The following ZRANB3 variants were observed in gnomAD, a reference collection of about 807,000 sequenced individuals.
ZRANB3 encodes DNA annealing helicase and endonuclease ZRANB3.
Under a neutral mutation model 133.8 loss-of-function variants are expected in ZRANB3, and 125 were observed. The observed-to-expected ratio is 0.93, with a 90% confidence interval of 0.81 to 1.08. The LOEUF (loss-of-function observed/expected upper bound fraction) is 1.08. Among genes scored for constraint, ZRANB3 ranks in the 50% least tolerant of loss-of-function variants. The probability of loss-of-function intolerance (pLI) is 0.00; values close to 1 mark genes in which losing one functional copy is unlikely to be tolerated. For synonymous variants in ZRANB3, 387 were observed against 432.7 expected, an observed-to-expected ratio of 0.89 and a Z score of 1.31; for missense variants, 1,229 against 1,275.5, an observed-to-expected ratio of 0.96 and a Z score of 0.56.
intron 2 of ZRANB3, among the ~76,000 whole-genome samples, chr2:135,436,839 G>A (rs191513201): frequency 5.3e-5 from 8 of 152,208 alleles, no homozygotes; most frequent in South Asian, 2.1e-4. Flanking sequence ...AAGGCTGGAG[G>A]TATCACATTA....
intron 17 of ZRANB3, among the ~76,000 whole-genome samples, chr2:135,211,290 C>T (rs1390566509): frequency 6.6e-6 from 1 of 152,068 alleles, no homozygotes; most frequent in Non-Finnish European, 1.5e-5. Flanking sequence ...CATGTAATCC[C>T]GGCACTTTGA....
At chr2:135,237,195 C>G (rs1281552885) in intron 12 of ZRANB3, among the ~76,000 whole-genome samples, 1 of 151,846 alleles carries the variant, frequency 6.6e-6, no homozygotes, top group South Asian at 2.1e-4. Flanking sequence ...AAAAAATGCT[C>G]ATCATCACTG....
At chr2:135,386,027 A>C (rs1686954945) in intron 3 of ZRANB3, among the ~76,000 whole-genome samples, 1 of 152,244 alleles carries the variant, frequency 6.6e-6, no homozygotes, top group Non-Finnish European at 1.5e-5. Context: ...CTGCAAGGCA[A>C]AAGAAACTAC....
chr2:135,222,851 C>T (rs1251384773), intron 15 of ZRANB3, among the ~76,000 whole-genome samples: 1 of 152,022 alleles, frequency 6.6e-6, no homozygotes, highest in Admixed American at 6.6e-5. Flanking sequence ...TGGCTCACGC[C>T]TATAATCCTA....
intron 1 of ZRANB3, among the ~76,000 whole-genome samples, chr2:135,529,704 A>G (rs1436501223): frequency 6.6e-6 from 1 of 151,682 alleles, no homozygotes; most frequent in Non-Finnish European, 1.5e-5. Context: ...TAGCAGACAC[A>G]AGATTTCACC....
At chr2:135,377,118 T>G (rs1686463432) in intron 3 of ZRANB3, among the ~76,000 whole-genome samples, 1 of 152,186 alleles carries the variant, frequency 6.6e-6, no homozygotes, top group East Asian at 1.9e-4. Flanking sequence ...AGCAATTAAG[T>G]AAACAGATGG....
intron 2 of ZRANB3, among the ~76,000 whole-genome samples, chr2:135,408,965 A>G (rs916785233): frequency 6.6e-6 from 1 of 152,130 alleles, no homozygotes; most frequent in Non-Finnish European, 1.5e-5. Flanking sequence ...CCTAGAACTT[A>G]GAGTATAAAA....
At chr2:135,463,052 A>G (rs1361262776) in intron 2 of ZRANB3, among the ~76,000 whole-genome samples, 1 of 152,218 alleles carries the variant, frequency 6.6e-6, no homozygotes, top group East Asian at 1.9e-4. Context: ...TCCAAGCTGG[A>G]TGCAATGGCA....
intron 6 of ZRANB3, among the ~76,000 whole-genome samples, chr2:135,324,880 T>C (rs915449781): frequency 6.6e-6 from 1 of 152,178 alleles, no homozygotes; most frequent in Non-Finnish European, 1.5e-5. Context: ...AATGTCTTCT[T>C]TTGAGAAGTG....
chr2:135,422,648 C>T (rs1165500688), intron 2 of ZRANB3, among the ~76,000 whole-genome samples: 1 of 152,012 alleles, frequency 6.6e-6, no homozygotes, highest in Non-Finnish European at 1.5e-5. Context: ...GAAAAGCAAC[C>T]TGATTGTCAC....
chr2:135,198,612 C>T lies in ZRANB3; in HGVS notation c.*1730G>A, dbSNP rs767254648. The T allele has an allele frequency of 6.6e-6, 1 of 152,162 alleles. No individual in the cohort carries two copies. Among genetic ancestry groups the T allele is most frequent in the Non-Finnish European group, 1.5e-5 (1 of 68,040 alleles). The allele number at this position is 152,162 out of a possible 1,614,324, so 9.4% of individuals were successfully genotyped here. On this transcript the variant is annotated 3_prime_UTR_variant, in exon 21 of 21. Transcript: ENST00000264159. ...AAGAGCAAGTTCCCCTCAAATTTGA[C>T]CTACTTAGACCTCGCTTGCAAAACC... is the stretch of plus-strand genomic sequence containing the variant.
chr2:135,205,942 C>T (rs1573665385), intron 19 of ZRANB3, among the ~76,000 whole-genome samples: 1 of 152,040 alleles, frequency 6.6e-6, no homozygotes, highest in African/African-American at 2.4e-5. Flanking sequence ...ATATACTGCA[C>T]CACCTGTTAA....
chr2:135,215,784 C>T lies in ZRANB3; in HGVS notation c.2495+1681G>A, dbSNP rs77711100. ...TTTTATGCCCTAGAGCAAGATTTCT[C>T]AACAGTGGTAATACAGACATTTTGA... On this transcript the variant is annotated intron_variant, in intron 17 of 20. Coordinates refer to ENST00000264159, the MANE Select transcript of ZRANB3 (RefSeq NM_032143.4). Among the ~76,000 whole-genome samples, 450 of 152,262 alleles carry T rather than the reference C, an allele frequency of 3.0e-3. 1 individual carries two copies. The highest frequency in any genetic ancestry group is 0.01 in the African/African-American group (426 of 41,556).
chr2:135,306,971 C>T (rs1682738660), intron 8 of ZRANB3, among the ~76,000 whole-genome samples: 1 of 152,148 alleles, frequency 6.6e-6, no homozygotes, highest in African/African-American at 2.4e-5. Flanking sequence ...AGTAATCCTC[C>T]CACCTCAACC....
chr2:135,527,196 T>C (rs1262779490), intron 1 of ZRANB3, among the ~76,000 whole-genome samples: 2 of 152,170 alleles, frequency 1.3e-5, no homozygotes, highest in Non-Finnish European at 2.9e-5. Context: ...TTGACTCTTT[T>C]TGTCGACAAT....
At chr2:135,481,209 G>A (rs1047009473) in intron 2 of ZRANB3, among the ~76,000 whole-genome samples, 9 of 151,126 alleles carry the variant, frequency 6.0e-5, no homozygotes, top group Non-Finnish European at 1.3e-4. Flanking sequence ...CACAATGGAT[G>A]AACTAGTTTA....
chr2:135,506,429 A>T (rs1056833261), intron 1 of ZRANB3, among the ~76,000 whole-genome samples: 3 of 152,118 alleles, frequency 2.0e-5, no homozygotes, highest in African/African-American at 7.2e-5. Context: ...CTGATGATCC[A>T]AAGGAGGGAA....
chr2:135,221,099 C>T (rs1042111082), intron 15 of ZRANB3, among the ~76,000 whole-genome samples: 5 of 151,944 alleles, frequency 3.3e-5, no homozygotes, highest in Non-Finnish European at 7.4e-5. Context: ...TCAGGTGATC[C>T]GCCTGCCTCG....
At chr2:135,516,962 G>C (rs1693725392) in intron 1 of ZRANB3, among the ~76,000 whole-genome samples, 1 of 151,968 alleles carries the variant, frequency 6.6e-6, no homozygotes, top group Non-Finnish European at 1.5e-5. Flanking sequence ...TGGAGGCTTT[G>C]TTCATTCCCT....
Sources: gnomAD v4.1 joint callset for allele counts (sites outside exome capture counted in the v4.1 genomes callset) on GRCh38, gnomAD v4.1.1 for gene constraint, MANE v1.5 for transcripts, NCBI Gene and HGNC (gene_info 2026-07-23, HGNC 2026-07-21) for gene names.